The following VRK1 variants were observed in gnomAD, a reference collection of about 807,000 sequenced individuals.
The protein encoded by VRK1 is serine/threonine-protein kinase VRK1.
A neutral mutation model predicts 57.1 loss-of-function variants in VRK1; 33 were observed. The ratio of observed to expected loss-of-function variants is 0.58; its 90% CI spans 0.44 to 0.77. VRK1 has a LOEUF of 0.77. VRK1 is among the 30% of genes least tolerant of loss of function. The pLI is 0.00. For missense variants in VRK1, 413 were observed against 477.3 expected (o/e 0.87, Z 1.25); for synonymous variants, 137 against 147.8 (o/e 0.93, Z 0.53).
chr14:96,807,973 CT>C (rs1885951379), intron 1 of VRK1, among the ~76,000 whole-genome samples: 4 of 119,352 alleles, frequency 3.4e-5, no homozygotes, highest in Non-Finnish European at 7.4e-5. Flanking sequence ...CTCCCTCTCT[CT>C]CTGTCTCTCT....
Position 96,853,131 on chromosome 14 carries a change from T to C in VRK1, c.541T>C (p.Ser181Pro). The C allele has an allele frequency of 6.2e-7, 1 of 1,613,816 alleles. No individual in the cohort carries two copies. Among genetic ancestry groups the C allele is most frequent in the Non-Finnish European group, 8.5e-7 (1 of 1,179,808 alleles). ...GTATGTGCATGGAGATATCAAGGCC[T>C]CAAATCTTCTTCTGAACTACAAGAA... ...HEYVHGDIKA[S>P]NLLLNYKNPD... Residue 181 changes from serine (S) to proline (P), a missense_variant, in exon 7 of 13, where the codon TCA becomes CCA. Ser to Pro is a moderately conservative substitution (Grantham distance 74). Transcript: ENST00000216639.
intron 1 of VRK1, among the ~76,000 whole-genome samples, chr14:96,820,826 T>C (rs193088244): frequency 6.6e-6 from 1 of 152,362 alleles, no homozygotes; most frequent in Non-Finnish European, 1.5e-5. Flanking sequence ...TAGATGTTAC[T>C]GCCTTAGATG....
intron 1 of VRK1, among the ~76,000 whole-genome samples, chr14:96,813,490 A>C (rs1014787004): frequency 6.6e-6 from 1 of 152,116 alleles, no homozygotes; most frequent in Non-Finnish European, 1.5e-5. Flanking sequence ...TCAGTGGCGT[A>C]TACATCAAGT....
chr14:96,830,866 T>G (rs570634084), intron 1 of VRK1, among the ~76,000 whole-genome samples: 1 of 152,240 alleles, frequency 6.6e-6, no homozygotes, highest in Non-Finnish European at 1.5e-5. Flanking sequence ...CATTTGAACT[T>G]TCTTTTTCCT....
intron 1 of VRK1, among the ~76,000 whole-genome samples, chr14:96,801,580 G>A (rs866915567): frequency 4.7e-4 from 71 of 152,198 alleles, no homozygotes; most frequent in African/African-American, 1.5e-3. Flanking sequence ...TCAGGGGTTG[G>A]GAGTGCTGAC....
chr14:96,843,173 A>C (rs1440587878), intron 3 of VRK1, among the ~76,000 whole-genome samples: 1 of 152,216 alleles, frequency 6.6e-6, no homozygotes, highest in Admixed American at 6.5e-5. Context: ...TTCTGAAAGT[A>C]ACTGTGCAGG....
At chr14:96,843,275 A>G (rs1887539977) in intron 3 of VRK1, among the ~76,000 whole-genome samples, 1 of 152,214 alleles carries the variant, frequency 6.6e-6, no homozygotes, top group Non-Finnish European at 1.5e-5. Flanking sequence ...TTTGAATTGC[A>G]CTTACCCTTA....
intron 1 of VRK1, among the ~76,000 whole-genome samples, chr14:96,800,366 A>C (rs2139674227): frequency 6.6e-6 from 1 of 152,242 alleles, no homozygotes; most frequent in Non-Finnish European, 1.5e-5. Context: ...CTTTGCACTC[A>C]AATTCAAGCA....
At chr14:96,820,803 T>C (rs77710033) in intron 1 of VRK1, among the ~76,000 whole-genome samples, 12,663 of 152,292 alleles carry the variant, frequency 0.083, 692 homozygotes, top group Non-Finnish European at 0.13. Flanking sequence ...ATAATTTTAA[T>C]GTATAGTTAA....
chr14:96,876,219 G>A (rs1301184981), intron 12 of VRK1, 99 bp downstream of exon 12: 2 of 1,071,744 alleles, frequency 1.9e-6, no homozygotes, highest in Non-Finnish European at 2.9e-6. Context: ...ATGACCTTTT[G>A]ATTTTATAAT....
intron 1 of VRK1, among the ~76,000 whole-genome samples, chr14:96,802,657 C>T (rs1885710054): frequency 1.3e-5 from 2 of 152,212 alleles, no homozygotes; most frequent in Admixed American, 1.3e-4. Flanking sequence ...TGAATCTGTA[C>T]ACATGACACA....
intron 5 of VRK1, among the ~76,000 whole-genome samples, chr14:96,852,221 G>T (rs1887978192): frequency 6.6e-6 from 1 of 152,170 alleles, no homozygotes; most frequent in African/African-American, 2.4e-5. Context: ...ATGTGACTCA[G>T]CCAAGGTGAC....
chr14:96,845,754 G>A (rs1270020473), intron 3 of VRK1, among the ~76,000 whole-genome samples: 1 of 152,170 alleles, frequency 6.6e-6, no homozygotes, highest in East Asian at 1.9e-4. Flanking sequence ...GCCCCTTGGT[G>A]ATACAGTTAA....
chr14:96,847,119 G>C (rs1279808724), intron 4 of VRK1, 138 bp from the exon 5 acceptor site: 2 of 673,824 alleles, frequency 3.0e-6, no homozygotes, highest in Non-Finnish European at 5.2e-6. Flanking sequence ...TCGTTATACT[G>C]TATTCTTCAT....
intron 3 of VRK1, 133 bp downstream of exon 3, chr14:96,837,950 A>G (rs1595663920): frequency 8.0e-6 from 4 of 501,894 alleles, no homozygotes; most frequent in African/African-American, 2.0e-5. Context: ...AAAATATTTA[A>G]TAAGACACAA....
chr14:96,853,429 G>T (rs1888028288), intron 7 of VRK1, among the ~76,000 whole-genome samples: 1 of 152,016 alleles, frequency 6.6e-6, no homozygotes, highest in African/African-American at 2.4e-5. Flanking sequence ...AGCTATTTGG[G>T]GGTGGAAGCT....
intron 11 of VRK1, among the ~76,000 whole-genome samples, chr14:96,872,233 C>CA (rs759169459): frequency 3.5e-4 from 54 of 152,166 alleles, no homozygotes; most frequent in Non-Finnish European, 6.6e-4. Context: ...TCTGCATTTT[C>CA]TTAAAACATA....
At chr14:96,850,345 T>G (rs1359962962) in intron 5 of VRK1, among the ~76,000 whole-genome samples, 1 of 152,228 alleles carries the variant, frequency 6.6e-6, no homozygotes, top group African/African-American at 2.4e-5. Context: ...TTTACACTGA[T>G]TTATATTTTT....
intron 12 of VRK1, chr14:96,877,569 T>G: frequency 7.8e-7 from 1 of 1,289,556 alleles, no homozygotes; most frequent in South Asian, 1.2e-5. Flanking sequence ...GCAGCAGCTA[T>G]GACAGTGAGT....
Sources: allele counts gnomAD v4.1 joint callset (sites outside exome capture counted in the v4.1 genomes callset), GRCh38; gene constraint gnomAD v4.1.1; transcripts MANE v1.5; gene names NCBI Gene and HGNC (gene_info 2026-07-23, HGNC 2026-07-21).